NYAP2: variants seen among roughly 807,000 people sequenced by gnomAD.
NYAP2 encodes neuronal tyrosine-phosphorylated phosphoinositide-3-kinase adapter 2.
In NYAP2, 23 loss-of-function variants were observed where a neutral mutation model predicts 50.4. That is an observed-to-expected ratio of 0.46 (90% CI 0.33 to 0.65). NYAP2 has a LOEUF of 0.65. Ranked by LOEUF, NYAP2 falls within the 30% of genes least tolerant of loss-of-function variation. The pLI is 0.02. For missense variants in NYAP2, 885 were observed against 861.0 expected (o/e 1.03, Z -0.35); for synonymous variants, 394 against 365.2 (o/e 1.08, Z -0.90).
At chr2:225,504,845 TA>T (rs1433466283) in intron 3 of NYAP2, among the ~76,000 whole-genome samples, 2 of 151,974 alleles carry the variant, frequency 1.3e-5, no homozygotes, top group Admixed American at 6.6e-5. Flanking sequence ...CCGTCTCTAC[TA>T]AAAATACAAA....
chr2:225,409,086 A>G, exon 3 of NYAP2: 1 of 1,599,022 alleles, frequency 6.3e-7, no homozygotes, highest in East Asian at 2.3e-5. Flanking sequence ...CGAAGACAAG[A>G]AGAAGCAATA....
chr2:225,399,261 T>A (rs1313011974), upstream of NYAP2, among the ~76,000 whole-genome samples: 1 of 151,980 alleles, frequency 6.6e-6, no homozygotes, highest in African/African-American at 2.4e-5. Flanking sequence ...TAGTGCAAAA[T>A]TAATAGATTA....
chr2:225,530,751 T>A (rs914925521), intron 4 of NYAP2, among the ~76,000 whole-genome samples: 1 of 152,214 alleles, frequency 6.6e-6, no homozygotes, highest in African/African-American at 2.4e-5. Context: ...TTCAAACTTG[T>A]CATATCCACA....
At chr2:225,509,709 C>A (rs910988794) in intron 3 of NYAP2, among the ~76,000 whole-genome samples, 2 of 152,114 alleles carry the variant, frequency 1.3e-5, no homozygotes, top group Non-Finnish European at 2.9e-5. Flanking sequence ...GACCTTTTAA[C>A]TCTGTAGAGT....
chr2:225,566,638 C>G (rs1262388080), intron 4 of NYAP2, among the ~76,000 whole-genome samples: 1 of 152,230 alleles, frequency 6.6e-6, no homozygotes, highest in Non-Finnish European at 1.5e-5. Context: ...AGGAAATCAA[C>G]TTGGTAACTT....
intron 3 of NYAP2, among the ~76,000 whole-genome samples, chr2:225,423,648 A>G: frequency 6.6e-6 from 1 of 152,158 alleles, no homozygotes; most frequent in African/African-American, 2.4e-5. Flanking sequence ...TTTTTTAATG[A>G]TGTGCTTTAA....
At chr2:225,547,012 A>G (rs185171114) in intron 4 of NYAP2, among the ~76,000 whole-genome samples, 310 of 152,286 alleles carry the variant, frequency 2.0e-3, no homozygotes, top group African/African-American at 7.0e-3. Flanking sequence ...AGGGGGTCTC[A>G]CAACTTTGCC....
intron 5 of NYAP2, among the ~76,000 whole-genome samples, chr2:225,610,640 G>T (rs1692865776): frequency 6.6e-6 from 1 of 152,110 alleles, no homozygotes; most frequent in Non-Finnish European, 1.5e-5. Context: ...AGTATAGAAT[G>T]GGATAGATAT....
At chr2:225,431,919 C>A (rs1303677277) in intron 3 of NYAP2, among the ~76,000 whole-genome samples, 1 of 152,042 alleles carries the variant, frequency 6.6e-6, no homozygotes, top group African/African-American at 2.4e-5. Context: ...TTTTATACTG[C>A]AAGAGTGTGT....
intron 4 of NYAP2, among the ~76,000 whole-genome samples, chr2:225,522,204 T>C (rs1029009947): frequency 6.6e-5 from 10 of 152,146 alleles, no homozygotes; most frequent in African/African-American, 2.2e-4. Context: ...CCTTTAATTA[T>C]CTCTACATTT....
intron 3 of NYAP2, among the ~76,000 whole-genome samples, chr2:225,465,850 T>G (rs1197637300): frequency 1.3e-5 from 2 of 152,198 alleles, no homozygotes; most frequent in African/African-American, 2.4e-5. Flanking sequence ...CTTACTAAAG[T>G]GTACTTAATC....
chr2:225,696,887 A>C, the NYAP2 span, among the ~76,000 whole-genome samples: 2 of 152,004 alleles, frequency 1.3e-5, no homozygotes, highest in Non-Finnish European at 2.9e-5. Flanking sequence ...TAAATAGTAC[A>C]ACTTCAGGGC....
intron 4 of NYAP2, among the ~76,000 whole-genome samples, chr2:225,553,460 A>G (rs1249484004): frequency 2.0e-5 from 3 of 152,252 alleles, no homozygotes; most frequent in Admixed American, 1.3e-4. Context: ...TAACCAGCAC[A>G]GTTTTTTAAT....
At chr2:225,427,612 T>C (rs1000017511) in intron 3 of NYAP2, among the ~76,000 whole-genome samples, 5 of 152,230 alleles carry the variant, frequency 3.3e-5, no homozygotes, top group African/African-American at 1.2e-4. Flanking sequence ...GCCCAAGTGG[T>C]ATCTCACTGA....
Position 225,415,925 on chromosome 2 carries a change from C to T in NYAP2, c.221+6824C>T, listed in dbSNP as rs75036470. On this transcript the variant is annotated intron_variant, in intron 3 of 6. Transcript: ENST00000636099. Reference sequence around the variant, plus strand: ...CCATCCTCCTATCTAGAATTAAACTCAAATCTGCAGCATGTCAGGGTCTTG... The same window carrying T: ...CCATCCTCCTATCTAGAATTAAACTTAAATCTGCAGCATGTCAGGGTCTTG... 3.9e-5 allele frequency among the ~76,000 whole-genome samples: 6 copies of T among 151,986 alleles called. No homozygotes were observed. In the East Asian group the frequency reaches 1.2e-3, roughly 29 times the overall value.
intron 4 of NYAP2, among the ~76,000 whole-genome samples, chr2:225,514,311 A>C (rs1169607531): frequency 6.6e-6 from 1 of 152,220 alleles, no homozygotes; most frequent in Non-Finnish European, 1.5e-5. Flanking sequence ...AATTTAGTAG[A>C]GTCTCAGCTT....
chr2:225,685,933 A>G, the NYAP2 span, among the ~76,000 whole-genome samples: 2 of 152,182 alleles, frequency 1.3e-5, no homozygotes, highest in Non-Finnish European at 2.9e-5. Context: ...TCAGACACAC[A>G]AGAATTAAGT....
Position 225,589,516 on chromosome 2 carries a change from A to AATAT in NYAP2, c.1618+6504_1618+6507dup, listed in dbSNP as rs71062993. On this transcript the variant is annotated intron_variant, in intron 5 of 6. Coordinates refer to ENST00000636099, the Ensembl canonical transcript of NYAP2. Reference sequence around the variant, plus strand: ...AAGACTATATCTCTACTAAAAGTAAAATATATATATATATATATATATATA... The same window carrying AATAT: ...AAGACTATATCTCTACTAAAAGTAAAATATATATATATATATATATATATATATA... Among the ~76,000 whole-genome samples the AATAT allele has an allele frequency of 4.6e-3, 326 of 71,326 alleles. 8 individuals carry two copies. The highest frequency in any genetic ancestry group is 0.016 in the African/African-American group (297 of 18,174). The allele number at this position is 71,326 out of a possible 152,430, so 46.8% of individuals were successfully genotyped here.
At chr2:225,539,892 C>T (rs1388328472) in intron 4 of NYAP2, among the ~76,000 whole-genome samples, 3 of 152,268 alleles carry the variant, frequency 2.0e-5, no homozygotes, top group Middle Eastern at 3.4e-3. Flanking sequence ...CAAGTCAACT[C>T]TTGAATGCTT....
Sources: allele counts gnomAD v4.1 joint callset (sites outside exome capture counted in the v4.1 genomes callset), GRCh38; gene constraint gnomAD v4.1.1; transcripts MANE v1.5; gene names NCBI Gene and HGNC (gene_info 2026-07-23, HGNC 2026-07-21).